The following MYCBP2 variants were observed in gnomAD, a reference collection of about 807,000 sequenced individuals.
The protein encoded by MYCBP2 is E3 ubiquitin-protein ligase MYCBP2.
A neutral mutation model predicts 525.3 loss-of-function variants in MYCBP2; 120 were observed. The observed-to-expected ratio is 0.23, with a 90% CI of 0.20 to 0.27. The LOEUF is 0.27. Among genes scored for constraint, MYCBP2 ranks in the 10% least tolerant of loss-of-function variants. The pLI is 1.00. For missense variants in MYCBP2, 4,149 were observed against 5,657.1 expected (o/e 0.73, Z 8.55); for synonymous variants, 1,894 against 1,955.8 (o/e 0.97, Z 0.83).
At chr13:77,264,402 C>T (rs535792980) in intron 8 of MYCBP2, among the ~76,000 whole-genome samples, 5 of 152,198 alleles carry the variant, frequency 3.3e-5, no homozygotes, top group Non-Finnish European at 4.4e-5. Context: ...CAGAAAAATA[C>T]GACCTAAAGC....
intron 56 of MYCBP2, 93 bp downstream of exon 56, chr13:77,097,277 T>C (rs2046409560): frequency 2.0e-6 from 3 of 1,489,632 alleles, no homozygotes; most frequent in Non-Finnish European, 8.9e-7. Context: ...AAATTCCCTA[T>C]CCTTTGACAA....
intron 18 of MYCBP2, among the ~76,000 whole-genome samples, chr13:77,231,144 TA>T (rs1423553496): frequency 1.3e-5 from 2 of 152,218 alleles, no homozygotes; most frequent in Admixed American, 6.5e-5. Context: ...TCTCACTCTA[TA>T]AAACCCTAAA....
At chr13:77,144,399 C>CTA (rs1448589081) in intron 49 of MYCBP2, 46 bp downstream of exon 49, 6 of 1,299,854 alleles carry the variant, frequency 4.6e-6, no homozygotes, top group Non-Finnish European at 6.7e-6. Flanking sequence ...AATTTTGACT[C>CTA]TAGTTATTTG....
rs773045854 is a variant in MYCBP2 at position 77,156,220 on chromosome 13, CA to C, written c.6771-19del. 6 of 1,604,072 alleles carry C rather than the reference CA, an allele frequency of 3.7e-6. No homozygotes were observed. In the Admixed American group the frequency reaches 1.0e-4, roughly 27 times the overall value. On this transcript the variant is annotated intron_variant, in intron 45 of 82. Transcript: ENST00000544440. ...GAAGCCACCTAACAGTAATGAAAAA[CA>C]AATAAACAAAACCCCAAACACTGAT...
rs780689984 is a variant in MYCBP2, at chr13:77,061,746, A to C, written c.12819T>G (p.Ile4273Met). Reference protein sequence around the residue: ...NHDDGETAAIILCNVCGNLCT... With the variant: ...NHDDGETAAIMLCNVCGNLCT... ...ATAAATTTCCACAGACATTGCATAAAATGATTGCTGCAGTTTCACCATCAT... is the reference window on the plus strand; with the variant it reads ...ATAAATTTCCACAGACATTGCATAACATGATTGCTGCAGTTTCACCATCAT... The change falls in exon 75 of 83, where the codon ATT becomes ATG. Residue 4273 changes from isoleucine (I) to methionine (M), a missense_variant. Transcript: ENST00000544440. 1 of 1,610,464 alleles carries C rather than the reference A, an allele frequency of 6.2e-7. No individual in the cohort carries two copies. The highest frequency in any genetic ancestry group is 8.5e-7 in the Non-Finnish European group (1 of 1,177,846).
chr13:77,097,147 A>T (rs2046385984), intron 56 of MYCBP2, among the ~76,000 whole-genome samples: 1 of 152,188 alleles, frequency 6.6e-6, no homozygotes, highest in Non-Finnish European at 1.5e-5. Context: ...TTTTTAAAAC[A>T]TGCTACATGA....
Position 77,140,126 on chromosome 13 carries a change from C to T in MYCBP2, c.7439G>A (p.Arg2480His). 6.2e-7 allele frequency: 1 copy of T among 1,612,966 alleles called. No individual in the cohort carries two copies. Among genetic ancestry groups the T allele is most frequent in the Non-Finnish European group, 8.5e-7 (1 of 1,179,730 alleles). The part of the protein sequence containing the change: ...KFVAKDSAGL[R>H]IRSHPSLQSE... Reference sequence around the variant, plus strand: ...CTGAAGGGAAGGGTGGCTACGGATGCGAAGCCCCGCACTGTCCTTGGCCAC... The same window carrying T: ...CTGAAGGGAAGGGTGGCTACGGATGTGAAGCCCCGCACTGTCCTTGGCCAC... Residue 2480 changes from arginine (R) to histidine (H), a missense_variant, in exon 51 of 83, where the codon CGC (arginine) becomes CAC (histidine). Physicochemically the swap from Arg to His is conservative, Grantham distance 29. Transcript: ENST00000544440.
intron 47 of MYCBP2, among the ~76,000 whole-genome samples, chr13:77,150,527 T>C (rs1303512665): frequency 1.3e-5 from 2 of 152,200 alleles, no homozygotes; most frequent in African/African-American, 2.4e-5. Context: ...CTGTAATTGG[T>C]GATCCCCTCT....
At chr13:77,082,968 T>A in intron 63 of MYCBP2, 64 bp downstream of exon 63, 1 of 1,464,098 alleles carries the variant, frequency 6.8e-7, no homozygotes, top group East Asian at 2.4e-5. Flanking sequence ...GAGCATTTCA[T>A]ACTTTGAATA....
intron 13 of MYCBP2, among the ~76,000 whole-genome samples, chr13:77,259,189 T>C (rs917299989): frequency 1.3e-5 from 2 of 151,928 alleles, no homozygotes; most frequent in Non-Finnish European, 2.9e-5. Context: ...CGCTGGAACC[T>C]AGGAGGCAGA....
chr13:77,261,498 C>A lies in MYCBP2; in HGVS notation c.1648-123G>T, dbSNP rs541831609. On this transcript the variant is annotated intron_variant, in intron 11 of 82. Coordinates refer to ENST00000544440, the MANE Select transcript of MYCBP2 (RefSeq NM_015057.5). Reference sequence around the variant, plus strand: ...AATAAAATTCACATAAAAACAAACTCTTTTTTACACTATTCAGCTTCTGGG... The same window carrying A: ...AATAAAATTCACATAAAAACAAACTATTTTTTACACTATTCAGCTTCTGGG... 5.1e-4 allele frequency: 367 copies of A among 723,940 alleles called. 1 individual carries two copies. In the African/African-American group the frequency reaches 5.9e-3, roughly 12 times the overall value. 44.8% of individuals were successfully genotyped at this position (723,940 alleles called of 1,614,324 possible). A position where few individuals can be genotyped will look rare whatever the true frequency, so the allele number is the denominator to read the frequency against.
At chr13:77,095,245 A>G (rs1314515669) in intron 58 of MYCBP2, 113 bp downstream of exon 58, 1 of 1,287,286 alleles carries the variant, frequency 7.8e-7, no homozygotes, top group Non-Finnish European at 1.1e-6. Flanking sequence ...AAGTTTGTTT[A>G]TAGTACACAA....
intron 11 of MYCBP2, 38 bp from the exon 12 acceptor site, chr13:77,261,413 T>C: frequency 6.8e-7 from 1 of 1,465,012 alleles, no homozygotes; most frequent in Non-Finnish European, 9.4e-7. Flanking sequence ...ATGGTACTTT[T>C]TGGAATAGTG....
chr13:77,063,722 T>C (rs2039733704), intron 73 of MYCBP2, among the ~76,000 whole-genome samples: 1 of 152,060 alleles, frequency 6.6e-6, no homozygotes, highest in South Asian at 2.1e-4. Flanking sequence ...CATGTGAGTG[T>C]TATTGGATAC....
intron 78 of MYCBP2, 63 bp from the exon 79 acceptor site, chr13:77,057,156 G>C: frequency 2.5e-6 from 3 of 1,199,632 alleles, no homozygotes; most frequent in Non-Finnish European, 3.7e-6. Flanking sequence ...TGAGTGACTG[G>C]GAGATTATTT....
At chr13:77,189,275 G>T (rs1412443671) in intron 29 of MYCBP2, among the ~76,000 whole-genome samples, 1 of 151,996 alleles carries the variant, frequency 6.6e-6, no homozygotes, top group Admixed American at 6.6e-5. Context: ...AGTAGTAGAG[G>T]CTTTTTCCTC....
At chr13:77,236,021 A>C (rs1743731119) in intron 17 of MYCBP2, among the ~76,000 whole-genome samples, 1 of 152,184 alleles carries the variant, frequency 6.6e-6, no homozygotes, top group Admixed American at 6.6e-5. Flanking sequence ...TAAACAGAGA[A>C]GTGCTACTGA....
rs772817257 is a variant in MYCBP2, at chr13:77,312,523, C to T, written c.302+13951G>A. On this transcript the variant is annotated intron_variant, in intron 1 of 82. Transcript: ENST00000544440. The stretch of plus-strand genomic sequence containing the variant: ...TAAGTGAATTAGTATAATAATAACC[C>T]TAAGTAGCCTGTAAAAAGTTAGGTA... 9.9e-5 allele frequency among the ~76,000 whole-genome samples: 15 copies of T among 151,800 alleles called. 1 individual carries two copies. The highest frequency in any genetic ancestry group is 1.8e-4 in the Non-Finnish European group (12 of 67,898).
chr13:77,315,697 C>T (rs986052716), intron 1 of MYCBP2, among the ~76,000 whole-genome samples: 2 of 152,014 alleles, frequency 1.3e-5, no homozygotes, highest in Non-Finnish European at 2.9e-5. Flanking sequence ...CAGTTCAAGA[C>T]CAGAGTGGCC....
Sources: gnomAD v4.1 joint callset for allele counts (sites outside exome capture counted in the v4.1 genomes callset) on GRCh38, gnomAD v4.1.1 for gene constraint, MANE v1.5 for transcripts, NCBI Gene and HGNC (gene_info 2026-07-23, HGNC 2026-07-21) for gene names.